Variants in GNA12 observed in about 807,000 individuals in gnomAD.
GNA12 encodes the protein G protein subunit alpha 12, also known as guanine nucleotide-binding protein subunit alpha-12.
GNA12 carries 9 observed loss-of-function variants against 26.0 expected under a neutral mutation model. That is an observed-to-expected ratio of 0.35 (90% confidence interval 0.21 to 0.60). The LOEUF is 0.60. Among genes scored for constraint, GNA12 ranks in the 20% least tolerant of loss-of-function variants. The pLI, the probability that GNA12 is intolerant of heterozygous loss-of-function variation, is 0.78. For missense variants in GNA12, 405 were observed against 525.8 expected (o/e 0.77, Z 2.25); for synonymous variants, 264 against 219.6 (o/e 1.20, Z -1.79).
intron 1 of GNA12, among the ~76,000 whole-genome samples, chr7:2,806,124 C>T (rs1792940847): frequency 6.6e-6 from 1 of 152,224 alleles, no homozygotes; most frequent in Non-Finnish European, 1.5e-5. Context: ...ACGTGCCTTA[C>T]ATTTGTGGCT....
chr7:2,764,411 C>T (rs1187939873), intron 2 of GNA12, among the ~76,000 whole-genome samples: 1 of 152,128 alleles, frequency 6.6e-6, no homozygotes, highest in African/African-American at 2.4e-5. Context: ...CACAGAAGTA[C>T]ATCTGATATT....
At chr7:2,814,221 T>G (rs962336824) in intron 1 of GNA12, 10 of 754,460 alleles carry the variant, frequency 1.3e-5, no homozygotes, top group African/African-American at 1.2e-4. Flanking sequence ...CTTTTATACA[T>G]CTATGTATCC....
chr7:2,809,781 C>T (rs1473911952), intron 1 of GNA12, among the ~76,000 whole-genome samples: 1 of 152,156 alleles, frequency 6.6e-6, no homozygotes, highest in Non-Finnish European at 1.5e-5. Flanking sequence ...AATTTTCACA[C>T]ATCTGTAAAT....
intron 2 of GNA12, among the ~76,000 whole-genome samples, chr7:2,734,969 GCC>G (rs1321133327): frequency 2.0e-5 from 3 of 152,174 alleles, no homozygotes; most frequent in Admixed American, 6.5e-5. Context: ...TCCTCGCCAA[GCC>G]CCCGTGATGT....
chr7:2,783,649 C>CACTTATTT (rs1792285249), intron 2 of GNA12, among the ~76,000 whole-genome samples: 1 of 138,630 alleles, frequency 7.2e-6, no homozygotes, highest in South Asian at 2.5e-4. Context: ...GGCTGTAACA[C>CACTTATTT]ATTTATTTAT....
intron 1 of GNA12, among the ~76,000 whole-genome samples, chr7:2,807,068 A>AT (rs1792967671): frequency 6.6e-6 from 1 of 152,086 alleles, no homozygotes; most frequent in South Asian, 2.1e-4. Flanking sequence ...TTTTTAGTTG[A>AT]TCTATTTGCT....
At chr7:2,787,967 A>C (rs1254243415) in intron 2 of GNA12, among the ~76,000 whole-genome samples, 1 of 152,182 alleles carries the variant, frequency 6.6e-6, no homozygotes, top group African/African-American at 2.4e-5. Context: ...CAGCATGGCC[A>C]ATGTAGTGAA....
At chr7:2,805,540 G>C (rs963877397) in intron 1 of GNA12, among the ~76,000 whole-genome samples, 4 of 152,158 alleles carry the variant, frequency 2.6e-5, no homozygotes, top group Non-Finnish European at 5.9e-5. Context: ...ACACTGCTGT[G>C]AGTATCTGGA....
intron 1 of GNA12, among the ~76,000 whole-genome samples, chr7:2,833,279 T>C (rs936442629): frequency 2.0e-5 from 3 of 152,192 alleles, no homozygotes; most frequent in South Asian, 2.1e-4. Context: ...TCAGCTTCTT[T>C]GGTTTGAACA....
intron 1 of GNA12, chr7:2,815,325 G>A (rs1053083469): frequency 5.0e-6 from 1 of 200,152 alleles, no homozygotes. Context: ...GGCCGGCTGC[G>A]CAGCAGGGGC....
In GNA12 at chr7:2,731,253, G is replaced by T. The variant is rs372644647; in HGVS notation, c.1074C>A (p.Asn358Lys). 2.5e-6 allele frequency: 4 copies of T among 1,613,754 alleles called. No homozygotes were observed. The highest frequency in any genetic ancestry group is 3.4e-6 in the Non-Finnish European group (4 of 1,179,968). The part of the protein sequence containing the change: ...HHFTTAIDTE[N>K]VRFVFHAVKD... ...TCACAGCATGGAACACGAAGCGGAC[G>T]TTCTCGGTGTCGATGGCGGTGGTGA... is the stretch of plus-strand genomic sequence containing the variant. The change falls in exon 4 of 4, where the codon AAC becomes AAA. Residue 358 changes from asparagine to lysine, a missense_variant. By Grantham distance (94) the Asn-to-Lys change is moderately conservative. Coordinates refer to ENST00000275364, the MANE Select transcript of GNA12 (RefSeq NM_007353.3). The surrounding 1 kb of genome is among the most constrained non-coding windows in gnomAD (Gnocchi z 6.0).
At chr7:2,777,832 C>T (rs1792116891) in intron 2 of GNA12, among the ~76,000 whole-genome samples, 1 of 152,154 alleles carries the variant, frequency 6.6e-6, no homozygotes, top group Non-Finnish European at 1.5e-5. Context: ...GGGAATCTGC[C>T]CACTCAGATG....
At chr7:2,748,556 C>T (rs1281381712) in intron 2 of GNA12, among the ~76,000 whole-genome samples, 3 of 151,920 alleles carry the variant, frequency 2.0e-5, no homozygotes, top group African/African-American at 4.8e-5. Flanking sequence ...CCATAAAAAC[C>T]CTAGAAGAAA....
chr7:2,754,582 TAAAA>T (rs34822125), intron 2 of GNA12, among the ~76,000 whole-genome samples: 2 of 143,584 alleles, frequency 1.4e-5, no homozygotes, highest in East Asian at 4.1e-4. Context: ...ATCTCTACTT[TAAAA>T]AAAAAAAAAA....
chr7:2,785,596 C>G (rs1224444882), intron 2 of GNA12, among the ~76,000 whole-genome samples: 1 of 152,176 alleles, frequency 6.6e-6, no homozygotes, highest in Non-Finnish European at 1.5e-5. Context: ...TGTGACTTAT[C>G]CTATGAGCTG....
chr7:2,822,514 TG>T (rs1793391225), intron 1 of GNA12, among the ~76,000 whole-genome samples: 1 of 152,140 alleles, frequency 6.6e-6, no homozygotes, highest in South Asian at 2.1e-4. Context: ...GAGGCCAAGG[TG>T]GGAGGGCTGC....
chr7:2,731,601 G>C lies in GNA12; in HGVS notation c.726C>G (p.Phe242Leu). 3.1e-6 allele frequency: 5 copies of C among 1,613,850 alleles called. No individual in the cohort carries two copies. Among genetic ancestry groups the C allele is most frequent in the Non-Finnish European group, 4.2e-6 (5 of 1,179,908 alleles). The change falls in exon 4 of 4, where the codon TTC becomes TTG. Residue 242 changes from phenylalanine to leucine, a missense_variant. Coordinates refer to ENST00000275364, the MANE Select transcript of GNA12 (RefSeq NM_007353.3). This position sits in a 1 kb window ranked among gnomAD's most constrained non-coding sequence, Gnocchi z 6.0. ...TGAACAGGATGGACGTGATCCCGTC[G>C]AAGCACTGGAACCACTTCTGGCGCT... ...RSQRQKWFQC[F>L]DGITSILFMV...
intron 1 of GNA12, among the ~76,000 whole-genome samples, chr7:2,833,048 CCA>C (rs1778723617): frequency 6.6e-6 from 1 of 152,214 alleles, no homozygotes; most frequent in Non-Finnish European, 1.5e-5. Flanking sequence ...AAAGACTAAC[CCA>C]TCACACGGTC....
chr7:2,835,644 G>A (rs952810145), intron 1 of GNA12: 10 of 876,662 alleles, frequency 1.1e-5, no homozygotes, highest in African/African-American at 3.3e-5. Flanking sequence ...TGAAGAAGAC[G>A]GCTGCAGAAG....
Sources: allele counts gnomAD v4.1 joint callset (sites outside exome capture counted in the v4.1 genomes callset), GRCh38; gene constraint gnomAD v4.1.1; non-coding constraint Gnocchi (gnomAD v3.1); transcripts MANE v1.5; gene names NCBI Gene and HGNC (gene_info 2026-07-23, HGNC 2026-07-21).